Variants in SPTBN1 observed in about 807,000 individuals in gnomAD.
The protein encoded by SPTBN1 is spectrin beta, non-erythrocytic 1.
Under a neutral mutation model 266.4 loss-of-function variants are expected in SPTBN1, and 32 were observed. The observed-to-expected ratio is 0.12, with a 90% CI of 0.09 to 0.16. The LOEUF (loss-of-function observed/expected upper bound fraction) is 0.16. Among genes scored for constraint, SPTBN1 ranks in the 10% least tolerant of loss-of-function variants. The probability of loss-of-function intolerance (pLI) is 1.00; values close to 1 mark genes in which losing one functional copy is unlikely to be tolerated. For synonymous variants in SPTBN1, 1,336 were observed against 1,162.2 expected, an observed-to-expected ratio of 1.15 and a Z score of -3.04; for missense variants, 2,296 against 3,067.1, an observed-to-expected ratio of 0.75 and a Z score of 5.94.
At chr2:54,465,637 CTCATATATATATATATATAT>C (rs1178868263) in intron 1 of SPTBN1, among the ~76,000 whole-genome samples, 4 of 89,724 alleles carry the variant, frequency 4.5e-5, no homozygotes, top group Admixed American at 1.4e-4. Context: ...TCATGTTTAT[CTCATATATATATATATATAT>C]ATATATATAT....
intron 1 of SPTBN1, among the ~76,000 whole-genome samples, chr2:54,492,566 G>A (rs1668749725): frequency 6.6e-6 from 1 of 152,070 alleles, no homozygotes; most frequent in Non-Finnish European, 1.5e-5. Flanking sequence ...TGACTGCTGT[G>A]GTAGATGCCT....
Position 54,653,990 on chromosome 2 carries a change from T to C in SPTBN1, c.5822+137T>C. The C allele has an allele frequency of 7.6e-7, 1 of 1,322,882 alleles. No individual in the cohort carries two copies. Among genetic ancestry groups the C allele is most frequent in the Non-Finnish European group, 1.0e-6 (1 of 981,442 alleles). 81.9% of individuals were successfully genotyped at this position (1,322,882 alleles called of 1,614,324 possible). ...GCCAGAGTGGGGGTGGGGCGGTGCT[T>C]GGAGTGCGGCACCACTGCTTGCCTC... On this transcript the variant is annotated intron_variant, in intron 27 of 35. Coordinates refer to ENST00000356805, the MANE Select transcript of SPTBN1 (RefSeq NM_003128.3). The surrounding 1 kb of genome is among the most constrained non-coding windows in gnomAD (Gnocchi z 5.1).
chr2:54,610,256 C>A (rs1423082927), intron 3 of SPTBN1, among the ~76,000 whole-genome samples: 1 of 152,232 alleles, frequency 6.6e-6, no homozygotes, highest in Non-Finnish European at 1.5e-5. Flanking sequence ...AATTAATAGT[C>A]ATGCCATCCT....
chr2:54,600,120 C>T (rs2103693419), intron 3 of SPTBN1, among the ~76,000 whole-genome samples: 1 of 152,292 alleles, frequency 6.6e-6, no homozygotes, highest in Non-Finnish European at 1.5e-5. Flanking sequence ...TTAACTTGAT[C>T]TCCACCCTGT....
intron 1 of SPTBN1, among the ~76,000 whole-genome samples, chr2:54,477,409 T>C (rs1667891452): frequency 6.6e-6 from 1 of 152,108 alleles, no homozygotes; most frequent in South Asian, 2.1e-4. Context: ...CCTTTTTTTT[T>C]TTTTTTAATT....
intron 1 of SPTBN1, among the ~76,000 whole-genome samples, chr2:54,504,894 T>G (rs1393011620): frequency 6.6e-6 from 1 of 152,240 alleles, no homozygotes; most frequent in Non-Finnish European, 1.5e-5. Context: ...TTCATCAGAA[T>G]GCAGAAGCTG....
chr2:54,632,302 T>C (rs1678802234), intron 16 of SPTBN1, among the ~76,000 whole-genome samples: 3 of 152,150 alleles, frequency 2.0e-5, no homozygotes, highest in Admixed American at 2.0e-4. Flanking sequence ...GAGAGGACCC[T>C]TGAGGCTGAT....
intron 2 of SPTBN1, among the ~76,000 whole-genome samples, chr2:54,594,019 G>T (rs56101861): frequency 1.3e-5 from 2 of 151,846 alleles, no homozygotes; most frequent in Non-Finnish European, 2.9e-5. Flanking sequence ...TTTTAGTAGA[G>T]ACGGGGTTTC....
At chr2:54,647,412 T>C in intron 24 of SPTBN1, 151 bp downstream of exon 24, 3 of 1,080,788 alleles carry the variant, frequency 2.8e-6, no homozygotes, top group Non-Finnish European at 3.9e-6. Flanking sequence ...AGACCCATCA[T>C]TTAAAACATC....
At chr2:54,666,508 G>C (rs957201253) in intron 34 of SPTBN1, among the ~76,000 whole-genome samples, 1 of 152,122 alleles carries the variant, frequency 6.6e-6, no homozygotes, top group African/African-American at 2.4e-5. Flanking sequence ...AGTCATCCTG[G>C]AGCTGGATGG....
chr2:54,573,102 G>A (rs974393164), intron 2 of SPTBN1, among the ~76,000 whole-genome samples: 1 of 152,188 alleles, frequency 6.6e-6, no homozygotes, highest in Non-Finnish European at 1.5e-5. Flanking sequence ...GCTCATAGTT[G>A]TCTGCAGATG....
chr2:54,640,211 A>C (rs1190377059), intron 18 of SPTBN1, among the ~76,000 whole-genome samples: 1 of 152,150 alleles, frequency 6.6e-6, no homozygotes, highest in African/African-American at 2.4e-5. Context: ...GACCAGCCCT[A>C]CATTTGATAA....
chr2:54,470,578 A>G (rs532075309), intron 1 of SPTBN1, among the ~76,000 whole-genome samples: 1 of 152,356 alleles, frequency 6.6e-6, no homozygotes, highest in South Asian at 2.1e-4. Flanking sequence ...AATGGCTTCA[A>G]AAAACATTCC....
chr2:54,659,254 C>T lies in SPTBN1; in HGVS notation c.6344C>T (p.Ser2115Phe). The change falls in exon 31 of 36, where the codon TCC becomes TTC. Residue 2115 changes from serine (S) to phenylalanine (F), a missense_variant. By Grantham distance (155) the Ser-to-Phe change is radical (BLOSUM62 -2). Around this residue, in one of 12 missense-constraint regions of SPTBN1, gnomAD observed 347 missense variants for 368.5 expected, o/e 0.94. Coordinates refer to ENST00000356805, the MANE Select transcript of SPTBN1 (RefSeq NM_003128.3). Reference sequence around the variant, plus strand: ...ACGAAGGTTTCAGAGGAAGCCGAGTCCCAGCAGCAGTGGTGAGTCCCAGCA... The same window carrying T: ...ACGAAGGTTTCAGAGGAAGCCGAGTTCCAGCAGCAGTGGTGAGTCCCAGCA... ...PSTKVSEEAESQQQWDTSKGE... is the reference protein window; with the variant it reads ...PSTKVSEEAEFQQQWDTSKGE... 1.9e-6 allele frequency: 3 copies of T among 1,614,042 alleles called. No individual in the cohort carries two copies. Among genetic ancestry groups the T allele is most frequent in the Non-Finnish European group, 2.5e-6 (3 of 1,179,986 alleles).
rs189089424 is a variant in SPTBN1, at chr2:54,669,056, T to C, written c.*487T>C. 4 of 168,782 alleles carry C rather than the reference T, an allele frequency of 2.4e-5. No homozygotes were observed. The East Asian group carries it at 6.9e-4, about 29-fold the overall frequency. 10.5% of individuals were successfully genotyped at this position (168,782 alleles called of 1,614,324 possible). A position where few individuals can be genotyped will look rare whatever the true frequency, so the allele number is the denominator to read the frequency against. The stretch of plus-strand genomic sequence containing the variant: ...AACCTTTATTAAACAGATCGCATAT[T>C]ATGATCTTGCTGCAGCCACAGTGCA... On this transcript the variant is annotated 3_prime_UTR_variant, in exon 36 of 36. Transcript: ENST00000356805.
intron 1 of SPTBN1, among the ~76,000 whole-genome samples, chr2:54,478,128 A>C (rs922037826): frequency 6.6e-6 from 1 of 152,178 alleles, no homozygotes; most frequent in African/African-American, 2.4e-5. Flanking sequence ...TAATGTATCC[A>C]GGGATATGAC....
intron 1 of SPTBN1, among the ~76,000 whole-genome samples, chr2:54,494,399 A>G (rs1668855733): frequency 6.6e-6 from 1 of 152,236 alleles, no homozygotes; most frequent in South Asian, 2.1e-4. Context: ...AGAGATACCT[A>G]GGAATGAAAT....
At chr2:54,635,323 A>G (rs1679046002) in intron 17 of SPTBN1, among the ~76,000 whole-genome samples, 1 of 152,132 alleles carries the variant, frequency 6.6e-6, no homozygotes, top group South Asian at 2.1e-4. Flanking sequence ...AGCCACACTC[A>G]CTTCTTTTAA....
At chr2:54,536,686 A>C (rs1671622734) in intron 2 of SPTBN1, among the ~76,000 whole-genome samples, 1 of 152,184 alleles carries the variant, frequency 6.6e-6, no homozygotes, top group Non-Finnish European at 1.5e-5. Flanking sequence ...AGGAATACAG[A>C]TTCACTTGAG....
Sources: gnomAD v4.1 joint callset for allele counts (sites outside exome capture counted in the v4.1 genomes callset) on GRCh38, gnomAD v4.1.1 for gene constraint, gnomAD v4.1.1 regional missense constraint, Gnocchi (gnomAD v3.1) non-coding constraint, MANE v1.5 for transcripts, NCBI Gene and HGNC (gene_info 2026-07-23, HGNC 2026-07-21) for gene names.